PDE6A: variants seen among roughly 807,000 people sequenced by gnomAD.
PDE6A encodes the protein rod cGMP-specific 3',5'-cyclic phosphodiesterase subunit alpha.
Under a neutral mutation model 106.3 loss-of-function variants are expected in PDE6A, and 84 were observed. The observed-to-expected ratio is 0.79, with a 90% CI of 0.66 to 0.95. The LOEUF (loss-of-function observed/expected upper bound fraction) is 0.95. Among genes scored for constraint, PDE6A ranks in the 40% least tolerant of loss-of-function variants. The probability of loss-of-function intolerance (pLI) is 0.00; values close to 1 mark genes in which losing one functional copy is unlikely to be tolerated. For synonymous variants in PDE6A, 394 were observed against 386.6 expected (o/e 1.02, Z -0.23); for missense variants, 1,052 against 1,084.9 (o/e 0.97, Z 0.43).
intron 1 of PDE6A, among the ~76,000 whole-genome samples, chr5:149,940,957 T>G (rs548384871): frequency 1.1e-4 from 16 of 152,202 alleles, no homozygotes; most frequent in Non-Finnish European, 2.2e-4. Context: ...ATGCTTAATC[T>G]GAAGTAACTC....
At chr5:149,864,746 G>C (rs1229418798) in intron 20 of PDE6A, among the ~76,000 whole-genome samples, 1 of 152,180 alleles carries the variant, frequency 6.6e-6, no homozygotes, top group Non-Finnish European at 1.5e-5. Context: ...TGAAGTGCCA[G>C]AGCCGACTGT....
In PDE6A at chr5:149,883,548, A is replaced by G; in HGVS notation, c.2028-12T>C. On this transcript the variant is annotated splice_polypyrimidine_tract_variant and intron_variant, in intron 16 of 21. Coordinates refer to ENST00000255266, the MANE Select transcript of PDE6A (RefSeq NM_000440.3). ...ACATCGTCCTCTTCCTACAAAACAT[A>G]TCAGTCTAGTAAAGGGAGCAAGTCT... 6.4e-7 allele frequency: 1 copy of G among 1,568,758 alleles called. No homozygotes were observed.
At chr5:149,880,487 G>A (rs960133563) in intron 17 of PDE6A, among the ~76,000 whole-genome samples, 11 of 151,972 alleles carry the variant, frequency 7.2e-5, no homozygotes, top group African/African-American at 1.2e-4. Flanking sequence ...CGAGGTGGGC[G>A]GATCACGAGG....
In PDE6A at chr5:149,866,212, A is replaced by T. The variant is rs776326612; in HGVS notation, c.2316T>A (p.Leu772=). Reference sequence around the variant, plus strand: ...AAACAAAGTCAATGAAGCCGACTTGAAGCTTAGGGAGTTCATCTGCTTTGT... The same window carrying T: ...AAACAAAGTCAATGAAGCCGACTTGTAGCTTAGGGAGTTCATCTGCTTTGT... ...DRNKADELPK[L]QVGFIDFVCT... Residue 772 remains leucine, a synonymous_variant, in exon 20 of 22, where the codon CTT becomes CTA. Transcript: ENST00000255266. 6 of 1,614,200 alleles carry T rather than the reference A, an allele frequency of 3.7e-6. No homozygotes were observed. In the Admixed American group the frequency reaches 6.7e-5, roughly 18 times the overall value.
intron 6 of PDE6A, among the ~76,000 whole-genome samples, chr5:149,912,943 T>C (rs1294376652): frequency 6.6e-6 from 1 of 152,010 alleles, no homozygotes; most frequent in African/African-American, 2.4e-5. Flanking sequence ...AACAGAAAAT[T>C]GCGACCTGTG....
At position 149,884,600 on chromosome 5, in the gene PDE6A, G is replaced by C. The variant is rs75282782; in HGVS notation, c.1927-21C>G. ...AGGCTCTAAAGAAAAAAAGAGAAGCGAGATGGGAGAGAATTGATGCTGGCA... is the reference window on the plus strand; with the variant it reads ...AGGCTCTAAAGAAAAAAAGAGAAGCCAGATGGGAGAGAATTGATGCTGGCA... On this transcript the variant is annotated intron_variant, in intron 15 of 21. Transcript: ENST00000255266. 15,821 of 1,581,820 alleles carry C rather than the reference G, an allele frequency of 0.01. 260 individuals carry two copies. Among genetic ancestry groups the C allele is most frequent in the East Asian group, 0.04 (1,773 of 44,726 alleles).
At chr5:149,880,494 G>A (rs1178734412) in intron 17 of PDE6A, among the ~76,000 whole-genome samples, 2 of 152,012 alleles carry the variant, frequency 1.3e-5, no homozygotes, top group African/African-American at 2.4e-5. Flanking sequence ...GGCGGATCAC[G>A]AGGTCAGGAG....
chr5:149,900,129 G>A (rs1349173105), intron 8 of PDE6A, among the ~76,000 whole-genome samples: 1 of 151,716 alleles, frequency 6.6e-6, no homozygotes, highest in Non-Finnish European at 1.5e-5. Flanking sequence ...CGAGGCAGGC[G>A]GATCACTTGA....
chr5:149,861,669 G>A (rs192073695), intron 21 of PDE6A, among the ~76,000 whole-genome samples: 2 of 152,138 alleles, frequency 1.3e-5, no homozygotes, highest in East Asian at 3.9e-4. Flanking sequence ...AAGAAAAAGA[G>A]GCTGTAAATC....
intron 12 of PDE6A, 29 bp downstream of exon 12, chr5:149,896,327 G>A (rs750038610): frequency 5.1e-6 from 8 of 1,573,314 alleles, no homozygotes; most frequent in Middle Eastern, 3.8e-4. Flanking sequence ...ATTAAAAAGG[G>A]AAATCATATA....
intron 1 of PDE6A, among the ~76,000 whole-genome samples, chr5:149,942,090 T>C (rs1754342567): frequency 6.6e-6 from 1 of 151,782 alleles, no homozygotes; most frequent in Non-Finnish European, 1.5e-5. Flanking sequence ...GCCTCCAGAG[T>C]AGACAGGACC....
intron 5 of PDE6A, 98 bp from the exon 6 acceptor site, chr5:149,915,105 G>T: frequency 1.4e-6 from 1 of 705,256 alleles, no homozygotes; most frequent in Non-Finnish European, 2.4e-6. Context: ...CTTGATCTCA[G>T]CTCACTGCAA....
In PDE6A at chr5:149,921,756, G is replaced by A. The variant is rs200041698; in HGVS notation, c.859-47C>T. 11 of 1,495,300 alleles carry A rather than the reference G, an allele frequency of 7.4e-6. No individual in the cohort carries two copies. The Admixed American group carries it at 1.5e-4, about 21-fold the overall frequency. 92.6% of individuals were successfully genotyped at this position (1,495,300 alleles called of 1,614,324 possible). On this transcript the variant is annotated intron_variant, in intron 4 of 21. Coordinates refer to ENST00000255266, the MANE Select transcript of PDE6A (RefSeq NM_000440.3). Reference sequence around the variant, plus strand: ...ATTACATGTTTTGAAAAGAGATCAAGGAAAGGAGATTAAGATGTCCCACCT... The same window carrying A: ...ATTACATGTTTTGAAAAGAGATCAAAGAAAGGAGATTAAGATGTCCCACCT...
intron 17 of PDE6A, among the ~76,000 whole-genome samples, chr5:149,874,019 A>AG (rs1304994207): frequency 3.9e-5 from 6 of 151,964 alleles, no homozygotes; most frequent in African/African-American, 1.5e-4. Flanking sequence ...AAAAAAAAAA[A>AG]AAGAAGAAGA....
intron 1 of PDE6A, among the ~76,000 whole-genome samples, chr5:149,942,112 C>T (rs1415478111): frequency 6.6e-6 from 1 of 152,030 alleles, no homozygotes; most frequent in East Asian, 1.9e-4. Context: ...CAGGTGTGCA[C>T]CACCACACCC....
intron 6 of PDE6A, among the ~76,000 whole-genome samples, chr5:149,913,780 G>T (rs1279676712): frequency 6.6e-6 from 1 of 152,192 alleles, no homozygotes; most frequent in East Asian, 1.9e-4. Context: ...ACGTGGAGAG[G>T]ATTCAAACAG....
At chr5:149,932,407 G>T in intron 3 of PDE6A, 2 of 1,364,636 alleles carry the variant, frequency 1.5e-6, no homozygotes, top group South Asian at 1.2e-5. Flanking sequence ...GCTGTTTTTA[G>T]TGCGAGGAGT....
In PDE6A at chr5:149,863,220, A is replaced by G. The variant is rs539101115; in HGVS notation, c.2405T>C (p.Ile802Thr). 7 of 1,613,974 alleles carry G rather than the reference A, an allele frequency of 4.3e-6. No individual in the cohort carries two copies. The East Asian group carries it at 1.1e-4, about 26-fold the overall frequency. Residue 802 changes from isoleucine (I) to threonine (T), a missense_variant, in exon 21 of 22, where the codon ATC (isoleucine) becomes ACC (threonine). By Grantham distance (89) the Ile-to-Thr change is moderately conservative (BLOSUM62 -1). Coordinates refer to ENST00000255266, the MANE Select transcript of PDE6A (RefSeq NM_000440.3). The surrounding 1 kb of genome is among the most constrained non-coding windows in gnomAD (Gnocchi z 4.7). ...HEEITPMLDG[I>T]TNNRKEWKAL... ...CTTCCACTCCTTGCGATTGTTGGTG[A>G]TCCCGTCCAACATTGGGGTGATCTC...
At chr5:149,919,822 T>C (rs1346691509) in intron 5 of PDE6A, among the ~76,000 whole-genome samples, 1 of 152,198 alleles carries the variant, frequency 6.6e-6, no homozygotes, top group Non-Finnish European at 1.5e-5. Flanking sequence ...CCATGAAGGC[T>C]TTTTAGCCTG....
Sources: allele counts gnomAD v4.1 joint callset (sites outside exome capture counted in the v4.1 genomes callset), GRCh38; gene constraint gnomAD v4.1.1; non-coding constraint Gnocchi (gnomAD v3.1); transcripts MANE v1.5; gene names NCBI Gene and HGNC (gene_info 2026-07-23, HGNC 2026-07-21).